The following GPHN variants were observed in gnomAD, a reference collection of about 807,000 sequenced individuals.
The protein encoded by GPHN is gephyrin.
GPHN carries 17 observed loss-of-function variants against 95.5 expected under a neutral mutation model. The observed-to-expected ratio is 0.18, with a 90% CI of 0.12 to 0.27. GPHN has a LOEUF of 0.27. GPHN is among the 10% of genes least tolerant of loss of function. GPHN has a pLI of 1.00. For missense variants in GPHN, 660 were observed against 978.1 expected (o/e 0.67, Z 4.34); for synonymous variants, 320 against 322.5 (o/e 0.99, Z 0.08).
the GPHN span, among the ~76,000 whole-genome samples, chr14:67,461,229 T>C: frequency 3.9e-5 from 6 of 152,326 alleles, no homozygotes; most frequent in African/African-American, 1.2e-4. Context: ...TCATTGCCTC[T>C]TTTAATCTCC....
rs767734322 is a variant in GPHN, at chr14:66,961,900, G to GTATATATATATATATA, written c.829-3258_829-3243dup. 5.5e-4 allele frequency among the ~76,000 whole-genome samples: 29 copies of GTATATATATATATATA among 52,994 alleles called. 5 individuals carry two copies. Among genetic ancestry groups the GTATATATATATATATA allele is most frequent in the Non-Finnish European group, 1.1e-3 (24 of 22,458 alleles). The allele number at this position is 52,994 out of a possible 152,430, so 34.8% of individuals were successfully genotyped here. On this transcript the variant is annotated intron_variant, in intron 8 of 22. Coordinates refer to ENST00000478722, the MANE Select transcript of GPHN (RefSeq NM_020806.5). ...AACCAACCATTCTATCCCTGAATGT[G>GTATATATATATATATA]TATATATATATATATATATATATAT...
chr14:66,833,281 G>A (rs1342251694), intron 4 of GPHN, among the ~76,000 whole-genome samples: 1 of 152,040 alleles, frequency 6.6e-6, no homozygotes, highest in Non-Finnish European at 1.5e-5. Flanking sequence ...GAGCAACAGG[G>A]GGAAAAGCCC....
chr14:67,541,611 G>A, the GPHN span, among the ~76,000 whole-genome samples: 9 of 152,124 alleles, frequency 5.9e-5, no homozygotes, highest in Admixed American at 3.3e-4. Context: ...CAGGTTTCGC[G>A]GTTTCCTGAG....
chr14:67,592,745 A>G, the GPHN span: 3 of 1,323,338 alleles, frequency 2.3e-6, no homozygotes, highest in Non-Finnish European at 3.2e-6. Flanking sequence ...CAAATAGCAA[A>G]GTCTAAGTGA....
intron 3 of GPHN, among the ~76,000 whole-genome samples, chr14:66,821,769 C>A (rs1188877911): frequency 6.6e-6 from 1 of 152,110 alleles, no homozygotes; most frequent in Non-Finnish European, 1.5e-5. Context: ...TGAAGTCTGC[C>A]ATATATCACA....
chr14:67,284,663 C>T, the GPHN span, among the ~76,000 whole-genome samples: 1 of 150,224 alleles, frequency 6.7e-6, no homozygotes, highest in Non-Finnish European at 1.5e-5. Context: ...CTGTCCACCA[C>T]CTGGCCCTTG....
At chr14:66,626,673 A>G (rs2153327920) in intron 1 of GPHN, among the ~76,000 whole-genome samples, 1 of 152,224 alleles carries the variant, frequency 6.6e-6, no homozygotes, top group South Asian at 2.1e-4. Context: ...CAGTTAGGTA[A>G]TGAGGATGGA....
At chr14:67,057,407 T>TGGGGG (rs144173316) in intron 10 of GPHN, among the ~76,000 whole-genome samples, 2 of 124,502 alleles carry the variant, frequency 1.6e-5, no homozygotes, top group East Asian at 2.7e-4. Flanking sequence ...CATGGGCACA[T>TGGGGG]GGGTGGGGGG....
At chr14:67,210,006 C>T in the GPHN span, among the ~76,000 whole-genome samples, 2 of 151,966 alleles carry the variant, frequency 1.3e-5, no homozygotes, top group Admixed American at 6.6e-5. Flanking sequence ...ACAAGTTAAG[C>T]AATTACCAGT....
chr14:66,920,180 G>C (rs2066138516), intron 6 of GPHN, among the ~76,000 whole-genome samples: 1 of 152,188 alleles, frequency 6.6e-6, no homozygotes. Context: ...CAGGAGGTTG[G>C]GAACAAGGGA....
rs558551452 is a variant in GPHN, at chr14:66,971,143, A to G, written c.963+5818A>G. Among the ~76,000 whole-genome samples the G allele has an allele frequency of 2.8e-3, 425 of 152,336 alleles. 1 individual carries two copies. The highest frequency in any genetic ancestry group is 2.9e-3 in the Non-Finnish European group (194 of 68,024). On this transcript the variant is annotated intron_variant, in intron 9 of 22. Coordinates refer to ENST00000478722, the MANE Select transcript of GPHN (RefSeq NM_020806.5). ...AGGGAGTTCAAGACCAGCCTGACCAATGTGGAAAAACCCTGTCTCTACCAA... is the reference window on the plus strand; with the variant it reads ...AGGGAGTTCAAGACCAGCCTGACCAGTGTGGAAAAACCCTGTCTCTACCAA...
intron 8 of GPHN, among the ~76,000 whole-genome samples, chr14:66,939,905 G>A (rs965348039): frequency 6.6e-6 from 1 of 152,138 alleles, no homozygotes; most frequent in Non-Finnish European, 1.5e-5. Flanking sequence ...TGGCCTGAAG[G>A]TGACAAGAGA....
the GPHN span, among the ~76,000 whole-genome samples, chr14:67,439,569 C>CTTTG: frequency 7.2e-6 from 1 of 138,786 alleles, no homozygotes; most frequent in East Asian, 2.1e-4. Context: ...TTCTTTCTTT[C>CTTTG]TTTCTTTCTT....
chr14:67,474,370 C>T, the GPHN span, among the ~76,000 whole-genome samples: 9 of 152,106 alleles, frequency 5.9e-5, no homozygotes, highest in East Asian at 1.7e-3. Context: ...CTCCCTAGAG[C>T]TTTTTTGGAT....
chr14:66,893,417 G>A lies in GPHN; in HGVS notation c.389+13384G>A, dbSNP rs909576551. Reference sequence around the variant, plus strand: ...CCACAGCCAGTATCATACTGAATGGGCAAAAACTGGAAGCATTCCCTTTGA... The same window carrying A: ...CCACAGCCAGTATCATACTGAATGGACAAAAACTGGAAGCATTCCCTTTGA... On this transcript the variant is annotated intron_variant, in intron 5 of 22. Transcript: ENST00000478722. 2.0e-5 allele frequency among the ~76,000 whole-genome samples: 3 copies of A among 152,248 alleles called. No individual in the cohort carries two copies. In the South Asian group the frequency reaches 6.2e-4, roughly 32 times the overall value.
the GPHN span, among the ~76,000 whole-genome samples, chr14:67,450,448 G>T: frequency 1.3e-5 from 2 of 152,234 alleles, no homozygotes; most frequent in African/African-American, 4.8e-5. Flanking sequence ...GAGACTTGTT[G>T]AATGGCTTTG....
At chr14:66,934,016 G>C (rs965598060) in intron 8 of GPHN, among the ~76,000 whole-genome samples, 3 of 151,878 alleles carry the variant, frequency 2.0e-5, no homozygotes, top group Non-Finnish European at 4.4e-5. Context: ...GCACATGCCT[G>C]TAGTCCCAGC....
chr14:66,800,798 T>G (rs1338596729), intron 3 of GPHN, among the ~76,000 whole-genome samples: 2 of 152,128 alleles, frequency 1.3e-5, no homozygotes, highest in Non-Finnish European at 2.9e-5. Context: ...CCTATTTCTT[T>G]CTGTATCTCC....
intron 9 of GPHN, among the ~76,000 whole-genome samples, chr14:67,001,110 C>T (rs992000116): frequency 4.6e-5 from 7 of 151,320 alleles, no homozygotes; most frequent in East Asian, 1.9e-4. Context: ...TCTTAAGCTC[C>T]CTTAAAACTA....
Sources: allele counts gnomAD v4.1 joint callset (sites outside exome capture counted in the v4.1 genomes callset), GRCh38; gene constraint gnomAD v4.1.1; transcripts MANE v1.5; gene names NCBI Gene and HGNC (gene_info 2026-07-23, HGNC 2026-07-21).